Variants in TMEM117 observed in about 807,000 individuals in gnomAD.
TMEM117 encodes the protein transmembrane protein 117.
A neutral mutation model predicts 52.4 loss-of-function variants in TMEM117; 27 were observed. The ratio of observed to expected loss-of-function variants is 0.51; its 90% CI spans 0.38 to 0.71. TMEM117 has a LOEUF of 0.71. TMEM117 is among the 30% of genes least tolerant of loss of function. TMEM117 has a pLI of 0.00. For missense variants in TMEM117, 556 were observed against 630.5 expected (o/e 0.88, Z 1.26); for synonymous variants, 215 against 206.3 (o/e 1.04, Z -0.36).
chr12:44,257,679 A>G (rs193191667), intron 5 of TMEM117, among the ~76,000 whole-genome samples: 66 of 152,234 alleles, frequency 4.3e-4, no homozygotes, highest in Non-Finnish European at 3.5e-4. Flanking sequence ...CTACTCCAAC[A>G]TAGATCCCAC....
At chr12:44,020,689 C>T (rs1383356398) in intron 3 of TMEM117, among the ~76,000 whole-genome samples, 1 of 152,138 alleles carries the variant, frequency 6.6e-6, no homozygotes, top group Non-Finnish European at 1.5e-5. Flanking sequence ...CATAAACATT[C>T]TGTAGTTCTT....
chr12:44,266,560 A>T (rs1950380277), intron 5 of TMEM117, among the ~76,000 whole-genome samples: 1 of 152,062 alleles, frequency 6.6e-6, no homozygotes, highest in African/African-American at 2.4e-5. Context: ...ATTTTCTCCT[A>T]GTTTGTGGCT....
intron 5 of TMEM117, among the ~76,000 whole-genome samples, chr12:44,227,778 T>TA (rs1475095988): frequency 2.0e-5 from 3 of 152,150 alleles, no homozygotes; most frequent in African/African-American, 7.2e-5. Context: ...GTCCCTGTCT[T>TA]ACAGCATTCA....
At chr12:44,317,961 G>C (rs950715738) in intron 6 of TMEM117, among the ~76,000 whole-genome samples, 2 of 152,208 alleles carry the variant, frequency 1.3e-5, no homozygotes, top group South Asian at 2.1e-4. Flanking sequence ...CACCTAATGC[G>C]TGGCCACCTA....
chr12:44,194,397 T>A (rs752992868), intron 4 of TMEM117, among the ~76,000 whole-genome samples: 50 of 152,324 alleles, frequency 3.3e-4, no homozygotes, highest in Non-Finnish European at 6.0e-4. Context: ...AATGGTGATA[T>A]TGATTAGTTC....
chr12:44,171,047 G>T (rs1299234077), intron 4 of TMEM117, among the ~76,000 whole-genome samples: 4 of 131,090 alleles, frequency 3.1e-5, no homozygotes, highest in Non-Finnish European at 6.2e-5. Context: ...ACGGAGTCTC[G>T]CTCTGTCGCC....
chr12:44,340,389 A>G (rs1951400696), intron 6 of TMEM117, among the ~76,000 whole-genome samples: 1 of 152,096 alleles, frequency 6.6e-6, no homozygotes, highest in South Asian at 2.1e-4. Context: ...CTTCTTACCT[A>G]TCAAATCTAA....
Position 44,257,319 on chromosome 12 carries a change from C to T in TMEM117, c.609-42261C>T, listed in dbSNP as rs574891944. Among the ~76,000 whole-genome samples, 5 of 152,018 alleles carry T rather than the reference C, an allele frequency of 3.3e-5. No individual in the cohort carries two copies. In the South Asian group the frequency reaches 6.2e-4, roughly 19 times the overall value. On this transcript the variant is annotated intron_variant, in intron 5 of 7. Coordinates refer to ENST00000266534, the MANE Select transcript of TMEM117 (RefSeq NM_032256.3). Reference sequence around the variant, plus strand: ...GCTGATTCTTCTCACCCTTTTGACACGTTGACTCTCTCTCTATATATAGGT... The same window carrying T: ...GCTGATTCTTCTCACCCTTTTGACATGTTGACTCTCTCTCTATATATAGGT...
chr12:43,963,322 A>G (rs1348586546), intron 3 of TMEM117, among the ~76,000 whole-genome samples: 4 of 152,176 alleles, frequency 2.6e-5, no homozygotes, highest in Admixed American at 1.3e-4. Context: ...TTGATGTACA[A>G]ACTTACAGCT....
chr12:44,230,153 T>A lies in TMEM117; in HGVS notation c.608+18766T>A, dbSNP rs1448988527. On this transcript the variant is annotated intron_variant, in intron 5 of 7. Transcript: ENST00000266534. Reference sequence around the variant, plus strand: ...CATGAACTTTGTGAAATAATACTGTTTTCCCAGTTTTATACATAAGGAAAC... The same window carrying A: ...CATGAACTTTGTGAAATAATACTGTATTCCCAGTTTTATACATAAGGAAAC... Among the ~76,000 whole-genome samples the A allele has an allele frequency of 5.3e-5, 8 of 152,102 alleles. No homozygotes were observed. In the East Asian group the frequency reaches 1.5e-3, roughly 29 times the overall value.
chr12:44,204,892 A>G (rs1324714100), intron 4 of TMEM117, among the ~76,000 whole-genome samples: 2 of 152,186 alleles, frequency 1.3e-5, no homozygotes, highest in African/African-American at 4.8e-5. Flanking sequence ...ACCATATACA[A>G]AAATCAACTC....
chr12:43,865,684 G>A (rs532641704), intron 2 of TMEM117, among the ~76,000 whole-genome samples: 90 of 146,988 alleles, frequency 6.1e-4, no homozygotes, highest in African/African-American at 2.2e-3. Flanking sequence ...GTGACAGAAC[G>A]AGACTCCGTC....
At chr12:44,122,318 A>G (rs1040656171) in intron 3 of TMEM117, among the ~76,000 whole-genome samples, 4 of 152,286 alleles carry the variant, frequency 2.6e-5, no homozygotes, top group African/African-American at 9.6e-5. Context: ...TGTTGGGATT[A>G]CAGTCATGAG....
rs552476996 is a variant in TMEM117 at position 44,087,187 on chromosome 12, ATG to A, written c.411-56336_411-56335del. ...AATTAGTACACTTTAGTTCCAAATT[ATG>A]TACAATTATATTATTAATTTCACAA... On this transcript the variant is annotated intron_variant, in intron 3 of 7. Coordinates refer to ENST00000266534, the MANE Select transcript of TMEM117 (RefSeq NM_032256.3). Among the ~76,000 whole-genome samples, 38 of 151,836 alleles carry A rather than the reference ATG, an allele frequency of 2.5e-4. No individual in the cohort carries two copies. In the East Asian group the frequency reaches 7.0e-3, roughly 28 times the overall value.
At chr12:44,359,208 C>G (rs1265931268) in intron 6 of TMEM117, among the ~76,000 whole-genome samples, 5 of 124,824 alleles carry the variant, frequency 4.0e-5, no homozygotes, top group South Asian at 2.5e-4. Flanking sequence ...AGATTTAAGG[C>G]AAAAAAAAAA....
At chr12:44,155,024 AT>A (rs1948807736) in intron 4 of TMEM117, among the ~76,000 whole-genome samples, 1 of 152,052 alleles carries the variant, frequency 6.6e-6, no homozygotes, top group Non-Finnish European at 1.5e-5. Context: ...GTCCAAATTT[AT>A]TTTTGCTACT....
intron 4 of TMEM117, among the ~76,000 whole-genome samples, chr12:44,181,119 T>C (rs1211213597): frequency 1.3e-5 from 2 of 151,820 alleles, no homozygotes; most frequent in African/African-American, 4.8e-5. Flanking sequence ...ATGAGCATTT[T>C]TTCATGTGTT....
intron 6 of TMEM117, among the ~76,000 whole-genome samples, chr12:44,350,316 A>G (rs1259561907): frequency 2.0e-5 from 3 of 152,006 alleles, no homozygotes; most frequent in African/African-American, 2.4e-5. Flanking sequence ...TTTTTGATAC[A>G]GGCATGAAAT....
intron 4 of TMEM117, among the ~76,000 whole-genome samples, chr12:44,190,905 T>TGTAATATATATACTA (rs199581235): frequency 6.8e-6 from 1 of 148,146 alleles, no homozygotes; most frequent in Non-Finnish European, 1.5e-5. Flanking sequence ...AAAGTATATA[T>TGTAATATATATACTA]GTAATATATA....
Sources: allele counts gnomAD v4.1 joint callset (sites outside exome capture counted in the v4.1 genomes callset), GRCh38; gene constraint gnomAD v4.1.1; transcripts MANE v1.5; gene names NCBI Gene and HGNC (gene_info 2026-07-23, HGNC 2026-07-21).